Variants in TBC1D32 observed in about 807,000 individuals in gnomAD.
TBC1D32 encodes TBC1 domain family member 32, also known as protein broad-minded.
Under a neutral mutation model 170.3 loss-of-function variants are expected in TBC1D32, and 151 were observed. The ratio of observed to expected loss-of-function variants is 0.89; its 90% CI spans 0.78 to 1.01. The LOEUF (loss-of-function observed/expected upper bound fraction) is 1.01, where lower values mean the gene tolerates loss of function less well. Among genes scored for constraint, TBC1D32 ranks in the 50% least tolerant of loss-of-function variants. The pLI, the probability that TBC1D32 is intolerant of heterozygous loss-of-function variation, is 0.00. For synonymous variants in TBC1D32, 498 were observed against 488.0 expected (o/e 1.02, Z -0.27); for missense variants, 1,464 against 1,457.1 (o/e 1.00, Z -0.08).
chr6:121,116,220 T>C (rs1370196542), intron 26 of TBC1D32, among the ~76,000 whole-genome samples: 3 of 151,970 alleles, frequency 2.0e-5, no homozygotes, highest in Non-Finnish European at 4.4e-5. Context: ...ATACTATCAG[T>C]ATAATCTATT....
chr6:121,269,735 T>A (rs1164818255), intron 15 of TBC1D32, among the ~76,000 whole-genome samples: 1 of 152,112 alleles, frequency 6.6e-6, no homozygotes, highest in Non-Finnish European at 1.5e-5. Flanking sequence ...TATCCAGGAA[T>A]TGAACTCAGC....
At chr6:121,188,355 A>G (rs941972986) in intron 22 of TBC1D32, among the ~76,000 whole-genome samples, 7 of 152,274 alleles carry the variant, frequency 4.6e-5, no homozygotes, top group Admixed American at 3.3e-4. Flanking sequence ...AACTCCAAGG[A>G]AAGTAAAGTT....
Position 121,090,846 on chromosome 6 carries a change from T to C in TBC1D32, c.3654+7A>G. ...CAACATTTTCCTCTCCATATAAACA[T>C]ACTTACTTTTAGGAAAACTTGCAGA... On this transcript the variant is annotated splice_region_variant and intron_variant, in intron 31 of 31. Transcript: ENST00000398212. The C allele has an allele frequency of 5.0e-6, 8 of 1,607,472 alleles. No individual in the cohort carries two copies. Among genetic ancestry groups the C allele is most frequent in the Non-Finnish European group, 6.8e-6 (8 of 1,178,268 alleles).
At chr6:121,222,651 CAA>C (rs939040289) in intron 21 of TBC1D32, among the ~76,000 whole-genome samples, 17 of 142,916 alleles carry the variant, frequency 1.2e-4, no homozygotes, top group African/African-American at 4.2e-4. Context: ...ATTTCAATAT[CAA>C]GTCTTTATTA....
At chr6:121,275,899 C>T (rs1402136083) in intron 15 of TBC1D32, among the ~76,000 whole-genome samples, 2 of 151,986 alleles carry the variant, frequency 1.3e-5, no homozygotes, top group Non-Finnish European at 2.9e-5. Flanking sequence ...CCAAGGCAGG[C>T]AGATCGCTTG....
At chr6:121,314,578 AC>A (rs556848456) in intron 3 of TBC1D32, among the ~76,000 whole-genome samples, 188 of 152,308 alleles carry the variant, frequency 1.2e-3, no homozygotes, top group African/African-American at 3.9e-3. Flanking sequence ...CATAAGGTAT[AC>A]ACCCTGGGGT....
At chr6:121,188,979 C>T (rs1431307670) in intron 22 of TBC1D32, among the ~76,000 whole-genome samples, 3 of 152,094 alleles carry the variant, frequency 2.0e-5, no homozygotes, top group Non-Finnish European at 4.4e-5. Context: ...AAGCTCTAAA[C>T]TGTCTTTTTT....
chr6:121,156,703 G>C (rs1784934915), intron 24 of TBC1D32, among the ~76,000 whole-genome samples: 1 of 148,838 alleles, frequency 6.7e-6, no homozygotes, highest in Non-Finnish European at 1.5e-5. Flanking sequence ...AAAGATGTTA[G>C]TAAGTTGCAT....
At position 121,161,459 on chromosome 6, in the gene TBC1D32, T is replaced by G. The variant is rs531371826; in HGVS notation, c.2571-403A>C. ...TAAGTGAGAACATAGAGTATTTGGTTTTCCATTCCTATATTAATTTGCTGA... is the reference window on the plus strand; with the variant it reads ...TAAGTGAGAACATAGAGTATTTGGTGTTCCATTCCTATATTAATTTGCTGA... On this transcript the variant is annotated intron_variant, in intron 22 of 31. Transcript: ENST00000398212. Among the ~76,000 whole-genome samples, 5 of 152,298 alleles carry G rather than the reference T, an allele frequency of 3.3e-5. No homozygotes were observed. In the South Asian group the frequency reaches 1.0e-3, roughly 32 times the overall value.
chr6:121,245,412 C>T (rs1001724429), intron 17 of TBC1D32, among the ~76,000 whole-genome samples: 2 of 152,148 alleles, frequency 1.3e-5, no homozygotes, highest in African/African-American at 4.8e-5. Flanking sequence ...AGGAGGAGAG[C>T]ACCACATCAA....
chr6:121,198,246 T>TATAATATATATATATAAATATATATTA (rs1554265802), intron 22 of TBC1D32, among the ~76,000 whole-genome samples: 6 of 118,948 alleles, frequency 5.0e-5, no homozygotes, highest in African/African-American at 1.7e-4. Context: ...AATATATATA[T>TATAATATATATATATAAATATATATTA]TATATATATA....
At chr6:121,132,801 C>T (rs567809928) in intron 24 of TBC1D32, among the ~76,000 whole-genome samples, 1 of 151,774 alleles carries the variant, frequency 6.6e-6, no homozygotes, top group Non-Finnish European at 1.5e-5. Flanking sequence ...GGTACTTATA[C>T]CCATGAGATT....
chr6:121,093,187 C>T (rs1777014898), intron 30 of TBC1D32, among the ~76,000 whole-genome samples: 1 of 152,052 alleles, frequency 6.6e-6, no homozygotes, highest in Non-Finnish European at 1.5e-5. Flanking sequence ...ATGCATCTCC[C>T]AAATTGCAAC....
intron 12 of TBC1D32, among the ~76,000 whole-genome samples, chr6:121,285,182 G>A (rs925941199): frequency 6.6e-6 from 1 of 152,096 alleles, no homozygotes; most frequent in African/African-American, 2.4e-5. Context: ...ACCATGCCCA[G>A]ATTCAATGAT....
chr6:121,203,908 TATA>T (rs1791905083), intron 22 of TBC1D32, among the ~76,000 whole-genome samples: 1 of 151,222 alleles, frequency 6.6e-6, no homozygotes, highest in Admixed American at 6.6e-5. Context: ...TTGCTTTTTA[TATA>T]ACTTAATAAA....
At chr6:121,321,523 T>C (rs1809699651) in intron 2 of TBC1D32, 110 bp downstream of exon 2, 1 of 1,041,542 alleles carries the variant, frequency 9.6e-7, no homozygotes. Context: ...TTTTAAAGAA[T>C]CATTCTGGCT....
In TBC1D32 at chr6:121,242,298, A is replaced by G; in HGVS notation, c.2060T>C (p.Phe687Ser). The G allele has an allele frequency of 6.2e-7, 1 of 1,612,872 alleles. No individual in the cohort carries two copies. The highest frequency in any genetic ancestry group is 1.1e-5 in the South Asian group (1 of 90,992). The change falls in exon 18 of 32, where the codon TTT becomes TCT. Residue 687 changes from phenylalanine (F) to serine (S), a missense_variant. Phe to Ser is a radical substitution (Grantham distance 155). Around this residue, in one of 3 missense-constraint regions of TBC1D32, gnomAD observed 1,363 missense variants for 1,338.1 expected, o/e 1.02. Coordinates refer to ENST00000398212, the MANE Select transcript of TBC1D32 (RefSeq NM_152730.6). ...EDNLLDDLLH[F>S]AATPKGLLLL... ...TAGTAATCCTTTGGGGGTGGCAGCA[A>G]AATGTAGTAAATCATCTAACAAATT...
intron 24 of TBC1D32, among the ~76,000 whole-genome samples, chr6:121,132,824 A>T (rs9401370): frequency 0.17 from 26,528 of 151,944 alleles, 3,025 homozygotes; most frequent in East Asian, 0.51. Flanking sequence ...ATTTTTAAAA[A>T]ATCAACGAAT....
At position 121,334,282 on chromosome 6, in the gene TBC1D32, A is replaced by C. The variant is rs1811587905; in HGVS notation, c.149T>G (p.Phe50Cys). The C allele has an allele frequency of 7.4e-6, 12 of 1,614,016 alleles. No individual in the cohort carries two copies. Among genetic ancestry groups the C allele is most frequent in the Non-Finnish European group, 9.3e-6 (11 of 1,179,934 alleles). ...ACATCAAAAGCAATTTTACTTGTGA[A>C]AATTTTCATCAGTTTCCTCCAGATG... ...LLHLEETDEN[F>C]HNYEFVKYLR... The change falls in exon 1 of 32, where the codon TTT (phenylalanine) becomes TGT (cysteine). Residue 50 changes from phenylalanine (F) to cysteine (C), a missense_variant. Phe to Cys is a radical substitution (Grantham distance 205, BLOSUM62 -2). This residue lies in a region of TBC1D32 where 1,363 missense variants were observed against 1,338.1 expected (regional missense o/e 1.02). Transcript: ENST00000398212.
Sources: allele counts gnomAD v4.1 joint callset (sites outside exome capture counted in the v4.1 genomes callset), GRCh38; gene constraint gnomAD v4.1.1; regional missense constraint gnomAD v4.1.1; transcripts MANE v1.5; gene names NCBI Gene and HGNC (gene_info 2026-07-23, HGNC 2026-07-21).